Variants in DLGAP1 observed in about 807,000 individuals in gnomAD.
DLGAP1 encodes DLG associated protein 1.
DLGAP1 carries 11 observed loss-of-function variants against 90.8 expected under a neutral mutation model. The ratio of observed to expected loss-of-function variants is 0.12; its 90% CI spans 0.08 to 0.20. The LOEUF (loss-of-function observed/expected upper bound fraction) is 0.20. Among genes scored for constraint, DLGAP1 ranks in the 10% least tolerant of loss-of-function variants. The pLI, the probability that DLGAP1 is intolerant of heterozygous loss-of-function variation, is 1.00. For synonymous variants in DLGAP1, 558 were observed against 540.7 expected (o/e 1.03, Z -0.44); for missense variants, 1,050 against 1,333.8 (o/e 0.79, Z 3.31).
At chr18:3,600,981 G>GATAT (rs1207360785) in intron 7 of DLGAP1, among the ~76,000 whole-genome samples, 6 of 71,176 alleles carry the variant, frequency 8.4e-5, no homozygotes, top group East Asian at 3.1e-4. Context: ...TAGATATATA[G>GATAT]ATATAGATAT....
intron 1 of DLGAP1, among the ~76,000 whole-genome samples, chr18:4,408,680 T>C (rs1040890824): frequency 1.3e-5 from 2 of 152,248 alleles, no homozygotes; most frequent in Middle Eastern, 3.4e-3. Context: ...AATATGTCCA[T>C]TATAAGTCTG....
At chr18:4,043,170 T>C (rs2075000780) in intron 2 of DLGAP1, among the ~76,000 whole-genome samples, 1 of 152,236 alleles carries the variant, frequency 6.6e-6, no homozygotes, top group African/African-American at 2.4e-5. Context: ...TAATTTCTAT[T>C]GGAAATATTT....
chr18:4,278,510 C>G (rs769285599), intron 1 of DLGAP1, among the ~76,000 whole-genome samples: 6 of 152,076 alleles, frequency 3.9e-5, no homozygotes, highest in Non-Finnish European at 8.8e-5. Flanking sequence ...ACATTAGCTC[C>G]CACTTTTAAG....
chr18:4,296,176 T>G (rs1466816630), intron 1 of DLGAP1, among the ~76,000 whole-genome samples: 1 of 152,286 alleles, frequency 6.6e-6, no homozygotes, highest in East Asian at 1.9e-4. Flanking sequence ...TTAATTTTGT[T>G]AGAACTTGCC....
chr18:4,184,007 A>C (rs970049385), intron 1 of DLGAP1, among the ~76,000 whole-genome samples: 1 of 152,212 alleles, frequency 6.6e-6, no homozygotes, highest in Non-Finnish European at 1.5e-5. Context: ...TTCTACAAGC[A>C]GTCTATTTTT....
At position 4,434,253 on chromosome 18, in the gene DLGAP1, G is replaced by T. The variant is rs191985391; in HGVS notation, c.-267+20753C>A. On this transcript the variant is annotated intron_variant, in intron 1 of 12. Transcript: ENST00000315677. ...CCCGAAAAAATGCTATTCCCCATCT[G>T]AATTCTTGACCATAGCATCTTTGAG... Among the ~76,000 whole-genome samples the T allele has an allele frequency of 7.6e-4, 115 of 151,994 alleles. No individual in the cohort carries two copies. In the Middle Eastern group the frequency reaches 0.014, roughly 18 times the overall value.
chr18:4,181,103 C>G (rs1402636), intron 1 of DLGAP1, among the ~76,000 whole-genome samples: 61,938 of 151,988 alleles, frequency 0.41, 13,220 homozygotes, highest in East Asian at 0.68. Context: ...AGGTGATTTA[C>G]GTCTAGGATT....
intron 10 of DLGAP1, among the ~76,000 whole-genome samples, chr18:3,523,764 T>C (rs660779): frequency 1.2e-3 from 176 of 150,086 alleles, no homozygotes; most frequent in African/African-American, 2.3e-3. Flanking sequence ...AGGAGAATGG[T>C]GTGAACTCAG....
At chr18:4,277,715 G>A (rs1244384660) in intron 1 of DLGAP1, among the ~76,000 whole-genome samples, 1 of 152,138 alleles carries the variant, frequency 6.6e-6, no homozygotes, top group African/African-American at 2.4e-5. Context: ...CATTACTGCA[G>A]CCGAGACAGT....
intron 2 of DLGAP1, among the ~76,000 whole-genome samples, chr18:4,014,961 G>T (rs555877532): frequency 6.6e-6 from 1 of 152,178 alleles, no homozygotes; most frequent in South Asian, 2.1e-4. Context: ...AGTTCATATG[G>T]CCCTGCCTTT....
chr18:3,609,343 G>A lies in DLGAP1; in HGVS notation c.1592-27095C>T, dbSNP rs1435953248. 4.6e-5 allele frequency among the ~76,000 whole-genome samples: 7 copies of A among 152,296 alleles called. No homozygotes were observed. The East Asian group carries it at 5.8e-4, about 13-fold the overall frequency. ...ATTTGAGGTGTGATCCACCTCACCC[G>A]GGCCTGAGTCTTCCTTTGGAAGGCT... is the stretch of plus-strand genomic sequence containing the variant. On this transcript the variant is annotated intron_variant, in intron 7 of 12. Transcript: ENST00000315677.
At chr18:3,980,313 G>A (rs1380909512) in intron 3 of DLGAP1, among the ~76,000 whole-genome samples, 7 of 152,064 alleles carry the variant, frequency 4.6e-5, no homozygotes, top group South Asian at 2.1e-4. Context: ...GGGTGGAGGC[G>A]GCAGGACCTG....
At chr18:3,528,582 C>A (rs778292594) in intron 10 of DLGAP1, among the ~76,000 whole-genome samples, 3 of 152,296 alleles carry the variant, frequency 2.0e-5, no homozygotes, top group East Asian at 1.9e-4. Flanking sequence ...CAAGATACTG[C>A]CAGAGAACTG....
chr18:4,082,809 T>C (rs891822432), intron 2 of DLGAP1, among the ~76,000 whole-genome samples: 2 of 142,978 alleles, frequency 1.4e-5, no homozygotes, highest in East Asian at 4.2e-4. Flanking sequence ...TTGAGGTCTG[T>C]CTGGCTTCTT....
chr18:3,701,508 A>C (rs535586423), intron 7 of DLGAP1, among the ~76,000 whole-genome samples: 1 of 152,226 alleles, frequency 6.6e-6, no homozygotes, highest in Non-Finnish European at 1.5e-5. Flanking sequence ...GAAGGATTCG[A>C]CCCATGCTTA....
intron 1 of DLGAP1, among the ~76,000 whole-genome samples, chr18:4,325,664 G>C (rs1568515177): frequency 6.6e-6 from 1 of 152,064 alleles, no homozygotes; most frequent in Non-Finnish European, 1.5e-5. Flanking sequence ...TACAAAAATA[G>C]ACACATAGAC....
At chr18:4,423,605 A>G (rs1412888782) in intron 1 of DLGAP1, among the ~76,000 whole-genome samples, 1 of 152,168 alleles carries the variant, frequency 6.6e-6, no homozygotes, top group African/African-American at 2.4e-5. Context: ...AATTTGCTAG[A>G]TTATTCTAAC....
chr18:4,415,905 G>A (rs1403663123), intron 1 of DLGAP1, among the ~76,000 whole-genome samples: 2 of 152,118 alleles, frequency 1.3e-5, no homozygotes, highest in African/African-American at 4.8e-5. Context: ...ATTGGTAAGT[G>A]CCTGAGAATT....
Position 3,711,386 on chromosome 18 carries a change from T to TA in DLGAP1, c.1591+17748dup, listed in dbSNP as rs1266967734. Among the ~76,000 whole-genome samples the TA allele has an allele frequency of 2.0e-5, 3 of 152,202 alleles. No homozygotes were observed. The highest frequency in any genetic ancestry group is 4.4e-5 in the Non-Finnish European group (3 of 68,034). On this transcript the variant is annotated intron_variant, in intron 7 of 12. Coordinates refer to ENST00000315677, the MANE Select transcript of DLGAP1 (RefSeq NM_004746.4). The surrounding 1 kb of genome is among the most constrained non-coding windows in gnomAD (Gnocchi z 4.0). ...ATAGCCAGGTAAATCGACCTGTTTA[T>TA]AAAATGTATATGCCCAATTAGTCTA...
Sources: gnomAD v4.1 joint callset for allele counts (sites outside exome capture counted in the v4.1 genomes callset) on GRCh38, gnomAD v4.1.1 for gene constraint, Gnocchi (gnomAD v3.1) non-coding constraint, MANE v1.5 for transcripts, NCBI Gene and HGNC (gene_info 2026-07-23, HGNC 2026-07-21) for gene names.